Variants in PTPRD observed in about 807,000 individuals in gnomAD.
PTPRD encodes receptor-type tyrosine-protein phosphatase delta.
PTPRD carries 34 observed loss-of-function variants against 214.5 expected under a neutral mutation model. The ratio of observed to expected loss-of-function variants is 0.16; its 90% confidence interval spans 0.12 to 0.21. PTPRD has a LOEUF of 0.21. Among genes scored for constraint, PTPRD ranks in the 10% least tolerant of loss-of-function variants. The pLI, the probability that PTPRD is intolerant of heterozygous loss-of-function variation, is 1.00. For missense variants in PTPRD, 2,545 were observed against 2,398.7 expected (o/e 1.06, Z -1.27); for synonymous variants, 1,128 against 845.7 (o/e 1.33, Z -5.79).
At chr9:9,661,789 G>A (rs1375299038) in intron 7 of PTPRD, among the ~76,000 whole-genome samples, 6 of 151,668 alleles carry the variant, frequency 4.0e-5, no homozygotes, top group African/African-American at 1.5e-4. Flanking sequence ...GAAAAAGGGA[G>A]ATAACTTGAA....
intron 11 of PTPRD, among the ~76,000 whole-genome samples, chr9:8,823,285 C>T (rs2097108439): frequency 6.6e-6 from 1 of 152,134 alleles, no homozygotes; most frequent in South Asian, 2.1e-4. Flanking sequence ...TTCATCCCTT[C>T]CCACAAAGCT....
At chr9:10,347,888 T>C (rs1265091897) in intron 2 of PTPRD, among the ~76,000 whole-genome samples, 1 of 151,906 alleles carries the variant, frequency 6.6e-6, no homozygotes, top group African/African-American at 2.4e-5. Flanking sequence ...GGAAAACCTA[T>C]CTCTACTAAA....
chr9:9,166,139 ATTTT>A (rs5896304), intron 10 of PTPRD, among the ~76,000 whole-genome samples: 17 of 141,018 alleles, frequency 1.2e-4, no homozygotes, highest in South Asian at 4.6e-4. Flanking sequence ...TCTGGGTTTG[ATTTT>A]TTTTTTTTTT....
At chr9:9,655,522 T>C (rs187782536) in intron 7 of PTPRD, among the ~76,000 whole-genome samples, 9 of 151,842 alleles carry the variant, frequency 5.9e-5, no homozygotes, top group Admixed American at 3.3e-4. Context: ...TGAGCCGAAA[T>C]TGCATCACTG....
At chr9:8,374,988 T>A (rs2082786893) in intron 39 of PTPRD, among the ~76,000 whole-genome samples, 2 of 151,950 alleles carry the variant, frequency 1.3e-5, no homozygotes, top group South Asian at 4.1e-4. Flanking sequence ...GTGATGGTAT[T>A]AAGTCACGAT....
chr9:9,022,088 T>A (rs1053715819), intron 10 of PTPRD, among the ~76,000 whole-genome samples: 1 of 151,834 alleles, frequency 6.6e-6, no homozygotes, highest in Non-Finnish European at 1.5e-5. Flanking sequence ...CATGTATACC[T>A]ATGTAACAAA....
intron 3 of PTPRD, among the ~76,000 whole-genome samples, chr9:10,159,850 C>T (rs987225977): frequency 3.3e-5 from 5 of 151,812 alleles, no homozygotes; most frequent in African/African-American, 1.2e-4. Flanking sequence ...AAGTAAGCTA[C>T]CAGATATAGA....
chr9:10,350,371 T>C (rs2097161557), intron 2 of PTPRD, among the ~76,000 whole-genome samples: 1 of 152,170 alleles, frequency 6.6e-6, no homozygotes, highest in South Asian at 2.1e-4. Flanking sequence ...TTATTTTACA[T>C]GATATTTATT....
intron 7 of PTPRD, among the ~76,000 whole-genome samples, chr9:9,608,959 A>G (rs1033842372): frequency 3.3e-5 from 5 of 151,882 alleles, no homozygotes; most frequent in Admixed American, 3.3e-4. Context: ...CTGATTCTTT[A>G]TTTTTCCTGT....
chr9:8,665,149 C>T (rs778590025), intron 12 of PTPRD, among the ~76,000 whole-genome samples: 1 of 152,144 alleles, frequency 6.6e-6, no homozygotes, highest in Non-Finnish European at 1.5e-5. Flanking sequence ...GGTTCTTTCA[C>T]AAGCAGTTTT....
At chr9:8,740,566 A>T (rs2091658756) in intron 11 of PTPRD, among the ~76,000 whole-genome samples, 1 of 152,338 alleles carries the variant, frequency 6.6e-6, no homozygotes, top group South Asian at 2.1e-4. Context: ...ATTTAATAAA[A>T]CTATGAAAAA....
chr9:9,381,348 C>T (rs1201476173), intron 9 of PTPRD, among the ~76,000 whole-genome samples: 1 of 149,336 alleles, frequency 6.7e-6, no homozygotes, highest in South Asian at 2.1e-4. Flanking sequence ...TTTCTTAGTA[C>T]ATCAGTTATG....
At chr9:9,256,376 A>T (rs79849173) in intron 9 of PTPRD, among the ~76,000 whole-genome samples, 1,985 of 151,952 alleles carry the variant, frequency 0.013, 37 homozygotes, top group African/African-American at 0.036. Flanking sequence ...CTTCTCTCTG[A>T]TAATATCTGC....
intron 8 of PTPRD, among the ~76,000 whole-genome samples, chr9:9,438,637 T>A (rs2086261435): frequency 6.6e-6 from 1 of 152,176 alleles, no homozygotes; most frequent in Non-Finnish European, 1.5e-5. Flanking sequence ...TTTATCAAAA[T>A]GATTGCTAAT....
intron 2 of PTPRD, among the ~76,000 whole-genome samples, chr9:10,575,513 C>A (rs572137019): frequency 1.3e-5 from 2 of 152,188 alleles, no homozygotes; most frequent in South Asian, 2.1e-4. Flanking sequence ...TGTGCACATT[C>A]TCCTTGGTAA....
chr9:8,337,748 A>T (rs1040925531), intron 43 of PTPRD, among the ~76,000 whole-genome samples: 2 of 152,016 alleles, frequency 1.3e-5, no homozygotes, highest in African/African-American at 4.8e-5. Context: ...GGAATAGGAA[A>T]GGTGTCTCTG....
At chr9:9,019,008 T>C (rs1413065334) in intron 10 of PTPRD, among the ~76,000 whole-genome samples, 2 of 152,072 alleles carry the variant, frequency 1.3e-5, no homozygotes, top group African/African-American at 4.8e-5. Flanking sequence ...ATGTATCCCC[T>C]AATCAAAATT....
intron 16 of PTPRD, among the ~76,000 whole-genome samples, chr9:8,526,862 C>A (rs566338039): frequency 6.6e-6 from 1 of 151,654 alleles, no homozygotes; most frequent in African/African-American, 2.4e-5. Context: ...GGGTAAAGAC[C>A]GCAATAGGCA....
At chr9:9,188,808 TTGTGTG>T (rs5896310) in intron 9 of PTPRD, among the ~76,000 whole-genome samples, 34,229 of 147,616 alleles carry the variant, frequency 0.23, 4,172 homozygotes, top group Admixed American at 0.34. Flanking sequence ...GCAAAATAAA[TTGTGTG>T]TGTGTGTGTG....
Sources: gnomAD v4.1 joint callset for allele counts (sites outside exome capture counted in the v4.1 genomes callset) on GRCh38, gnomAD v4.1.1 for gene constraint, MANE v1.5 for transcripts, NCBI Gene and HGNC (gene_info 2026-07-23, HGNC 2026-07-21) for gene names.